Variants in SFMBT2 observed in about 807,000 individuals in gnomAD.
The protein encoded by SFMBT2 is scm-like with four MBT domains protein 2.
In SFMBT2, 38 loss-of-function variants were observed where a neutral mutation model predicts 110.1. That is an observed-to-expected ratio of 0.35 (90% CI 0.27 to 0.45). SFMBT2 has a LOEUF of 0.45. SFMBT2 is among the 20% of genes least tolerant of loss of function. SFMBT2 has a pLI of 1.00. For missense variants in SFMBT2, 1,011 were observed against 1,094.9 expected (o/e 0.92, Z 1.08); for synonymous variants, 425 against 425.4 (o/e 1.00, Z 0.01).
intron 7 of SFMBT2, among the ~76,000 whole-genome samples, chr10:7,263,751 T>G (rs1055542583): frequency 2.6e-5 from 4 of 152,216 alleles, no homozygotes; most frequent in Admixed American, 1.3e-4. Flanking sequence ...TGCATTTAGC[T>G]GCTGAATAAG....
intron 16 of SFMBT2, among the ~76,000 whole-genome samples, chr10:7,185,888 T>C (rs537459028): frequency 6.6e-6 from 1 of 152,072 alleles, no homozygotes; most frequent in East Asian, 1.9e-4. Context: ...TTCAAAACAA[T>C]GCAGGTAAAT....
At position 7,170,756 on chromosome 10, in the gene SFMBT2, TG is replaced by T. The variant is rs1218909177; in HGVS notation, c.2544+171del. Reference sequence around the variant, plus strand: ...GGAATGAGGCTCTGTCTCTCGTCCCTGCCAGGCAGCTCTCAGCAGGGGCCTT... The same window carrying T: ...GGAATGAGGCTCTGTCTCTCGTCCCTCCAGGCAGCTCTCAGCAGGGGCCTT... On this transcript the variant is annotated intron_variant, in intron 20 of 20. Coordinates refer to ENST00000397167, the MANE Select transcript of SFMBT2 (RefSeq NM_001387889.1). The surrounding 1 kb of genome is among the most constrained non-coding windows in gnomAD (Gnocchi z 4.6). Among the ~76,000 whole-genome samples, 1 of 152,096 alleles carries T rather than the reference TG, an allele frequency of 6.6e-6. No homozygotes were observed. Among genetic ancestry groups the T allele is most frequent in the Non-Finnish European group, 1.5e-5 (1 of 67,986 alleles).
chr10:7,255,694 C>T (rs1472471105), intron 7 of SFMBT2, among the ~76,000 whole-genome samples: 1 of 152,212 alleles, frequency 6.6e-6, no homozygotes, highest in Non-Finnish European at 1.5e-5. Flanking sequence ...AACTTCCTTT[C>T]TGCACCCTGG....
rs1238160168 is a variant in SFMBT2 at position 7,348,400 on chromosome 10, TG to T, written c.436+19248del. ...TGCTCCTATAATCCATGATGGGCTT[TG>T]GGGGGCTCTTCATAACTACTGTGTA... On this transcript the variant is annotated intron_variant, in intron 4 of 20. Coordinates refer to ENST00000397167, the MANE Select transcript of SFMBT2 (RefSeq NM_001387889.1). 18 of 1,337,234 alleles carry T rather than the reference TG, an allele frequency of 1.3e-5. No individual in the cohort carries two copies. The Admixed American group carries it at 1.6e-4, about 12-fold the overall frequency. The allele number at this position is 1,337,234 out of a possible 1,614,324, so 82.8% of individuals were successfully genotyped here. A position where few individuals can be genotyped will look rare whatever the true frequency, so the allele number is the denominator to read the frequency against.
In SFMBT2 at chr10:7,171,142, C is replaced by T; in HGVS notation, c.2416-86G>A. ...AGCACTCTCCAGGCCTCGGCCGTTCCTGGCCGGAAGCCACTGCCTCCCTTT... is the reference window on the plus strand; with the variant it reads ...AGCACTCTCCAGGCCTCGGCCGTTCTTGGCCGGAAGCCACTGCCTCCCTTT... On this transcript the variant is annotated intron_variant, in intron 19 of 20. Coordinates refer to ENST00000397167, the MANE Select transcript of SFMBT2 (RefSeq NM_001387889.1). This position sits in a 1 kb window ranked among gnomAD's most constrained non-coding sequence, Gnocchi z 4.9. 3 of 1,594,098 alleles carry T rather than the reference C, an allele frequency of 1.9e-6. No homozygotes were observed. In the South Asian group the frequency reaches 3.3e-5, roughly 18 times the overall value.
intron 7 of SFMBT2, among the ~76,000 whole-genome samples, chr10:7,269,715 CGTGTGTGTGTGTGTGTGT>C (rs35063251): frequency 1.6e-4 from 6 of 38,466 alleles, no homozygotes; most frequent in Admixed American, 3.0e-4. Flanking sequence ...TAAGTGTGTG[CGTGTGTGTGTGTGTGTGT>C]GTGTGTGTGT....
chr10:7,175,495 C>A (rs1838027487), intron 17 of SFMBT2, among the ~76,000 whole-genome samples: 1 of 152,172 alleles, frequency 6.6e-6, no homozygotes, highest in Non-Finnish European at 1.5e-5. Context: ...CTTCTGAGTC[C>A]TCCATGGCTC....
chr10:7,281,429 C>T (rs568245867), intron 6 of SFMBT2, among the ~76,000 whole-genome samples: 2 of 152,276 alleles, frequency 1.3e-5, no homozygotes, highest in East Asian at 3.9e-4. Context: ...GGAAGCAGAA[C>T]ACTTTCCAGT....
intron 9 of SFMBT2, among the ~76,000 whole-genome samples, chr10:7,228,141 CA>C (rs1210912951): frequency 6.6e-6 from 1 of 152,196 alleles, no homozygotes; most frequent in African/African-American, 2.4e-5. Context: ...TACTATAACA[CA>C]CTATCTGAAG....
rs748195549 is a variant in SFMBT2, at chr10:7,367,818, G to A, written c.267C>T (p.Asp89=). The A allele has an allele frequency of 1.7e-5, 28 of 1,614,056 alleles. No homozygotes were observed. The East Asian group carries it at 6.0e-4, about 35-fold the overall frequency. ...TAATGATCGTGGCCACCCAGTACGT[G>A]TCCGGGTTGTTCTTATTAGCCACTT... ...KLEVANKNNP[D]TYWVATIITT... is the part of the protein sequence containing the mutation. The change falls in exon 4 of 21, where the codon GAC becomes GAT. Residue 89 remains aspartate, a synonymous_variant. Coordinates refer to ENST00000397167, the MANE Select transcript of SFMBT2 (RefSeq NM_001387889.1). The surrounding 1 kb of genome is among the most constrained non-coding windows in gnomAD (Gnocchi z 6.2).
chr10:7,256,040 T>C (rs999109683), intron 7 of SFMBT2, among the ~76,000 whole-genome samples: 7 of 152,214 alleles, frequency 4.6e-5, no homozygotes, highest in African/African-American at 1.4e-4. Context: ...AGCTAACATG[T>C]TGTAAATACT....
At chr10:7,218,765 C>T (rs1535864) in intron 11 of SFMBT2, among the ~76,000 whole-genome samples, 40,086 of 152,060 alleles carry the variant, frequency 0.26, 5,683 homozygotes, top group South Asian at 0.4. Flanking sequence ...TGTTGTTCAT[C>T]ACTCTTTTTT....
At chr10:7,328,866 C>T (rs1034311661) in intron 4 of SFMBT2, among the ~76,000 whole-genome samples, 1 of 152,214 alleles carries the variant, frequency 6.6e-6, no homozygotes. Context: ...TGCAGCCTCT[C>T]AAGACTGGGA....
In SFMBT2 at chr10:7,283,995, T is replaced by C. The variant is rs764587854; in HGVS notation, c.681A>G (p.Glu227=). 1 of 1,611,948 alleles carries C rather than the reference T, an allele frequency of 6.2e-7. No individual in the cohort carries two copies. The highest frequency in any genetic ancestry group is 1.7e-5 in the Admixed American group (1 of 60,014). ...RLRYVGLEDT[E]SYDQWLFYLD... ...AGTAAAACAACCACTGGTCATAGGA[T>C]TCAGTGTCCTCCAATCCCACATAGC... is the stretch of plus-strand genomic sequence containing the variant. The change falls in exon 6 of 21, where the codon GAA becomes GAG. Residue 227 remains glutamate (E), a synonymous_variant. Coordinates refer to ENST00000397167, the MANE Select transcript of SFMBT2 (RefSeq NM_001387889.1).
At chr10:7,236,834 C>G (rs889749863) in intron 9 of SFMBT2, among the ~76,000 whole-genome samples, 1 of 152,002 alleles carries the variant, frequency 6.6e-6, no homozygotes, top group Non-Finnish European at 1.5e-5. Flanking sequence ...AGCAAAGAAA[C>G]AAGCCAGACT....
At chr10:7,233,470 A>C (rs952463017) in intron 9 of SFMBT2, among the ~76,000 whole-genome samples, 2 of 152,182 alleles carry the variant, frequency 1.3e-5, no homozygotes, top group African/African-American at 2.4e-5. Context: ...CACCCCAGAG[A>C]ATGTTTACTC....
chr10:7,255,886 T>C lies in SFMBT2; in HGVS notation c.871-7237A>G, dbSNP rs536986415. Among the ~76,000 whole-genome samples the C allele has an allele frequency of 3.9e-5, 6 of 152,348 alleles. No homozygotes were observed. The South Asian group carries it at 1.2e-3, about 32-fold the overall frequency. ...ACAAGATGCTCACATGAGATGCTCA[T>C]TGGAGCCTTTTCGATTTCAGGTTTT... On this transcript the variant is annotated intron_variant, in intron 7 of 20. Transcript: ENST00000397167.
At chr10:7,291,772 C>A (rs1842267232) in intron 4 of SFMBT2, among the ~76,000 whole-genome samples, 1 of 152,184 alleles carries the variant, frequency 6.6e-6, no homozygotes, top group South Asian at 2.1e-4. Context: ...ACAATTCAGT[C>A]CATTTCTTCA....
rs369479041 is a variant in SFMBT2 at position 7,349,440 on chromosome 10, C to CTTTTTTTTTTTTTTTTT, written c.436+18192_436+18208dup. Among the ~76,000 whole-genome samples the CTTTTTTTTTTTTTTTTT allele has an allele frequency of 5.6e-3, 264 of 46,888 alleles. 73 individuals are homozygous for CTTTTTTTTTTTTTTTTT. The highest frequency in any genetic ancestry group is 7.6e-3 in the Non-Finnish European group (214 of 28,232). The allele number at this position is 46,888 out of a possible 152,430, so 30.8% of individuals were successfully genotyped here. The stretch of plus-strand genomic sequence containing the variant: ...CCCTGACTCTTTTTTCTTTTCTTTT[C>CTTTTTTTTTTTTTTTTT]TTTTTTTTTTTTTTTTTTTTTTTTT... On this transcript the variant is annotated intron_variant, in intron 4 of 20. Coordinates refer to ENST00000397167, the MANE Select transcript of SFMBT2 (RefSeq NM_001387889.1).
Sources: gnomAD v4.1 joint callset for allele counts (sites outside exome capture counted in the v4.1 genomes callset) on GRCh38, gnomAD v4.1.1 for gene constraint, Gnocchi (gnomAD v3.1) non-coding constraint, MANE v1.5 for transcripts, NCBI Gene and HGNC (gene_info 2026-07-23, HGNC 2026-07-21) for gene names.